ROPN1L: variants seen among roughly 807,000 people sequenced by gnomAD.
ROPN1L encodes ropporin-1-like protein.
In ROPN1L, 23 loss-of-function variants were observed where a neutral mutation model predicts 22.7. That is an observed-to-expected ratio of 1.01 (90% confidence interval 0.73 to 1.43). The LOEUF (loss-of-function observed/expected upper bound fraction) is 1.43. Ranked by LOEUF, ROPN1L falls within the 40% of genes most tolerant of loss-of-function variation. The pLI is 0.00. For missense variants in ROPN1L, 271 were observed against 291.5 expected (o/e 0.93, Z 0.51); for synonymous variants, 116 against 117.8 (o/e 0.98, Z 0.10).
downstream of ROPN1L, chr5:10,472,141 G>C (rs149699268): frequency 1.7e-4 from 26 of 152,344 alleles, no homozygotes; most frequent in African/African-American, 6.0e-4. Flanking sequence ...TGGGAGGAAG[G>C]CTGCCTGTGT....
At chr5:10,466,271 T>G (rs1735152904), downstream of ROPN1L, among the ~76,000 whole-genome samples, 1 of 152,262 alleles carries the variant, frequency 6.6e-6, no homozygotes, top group South Asian at 2.1e-4. Context: ...TGGGGACAGC[T>G]TGCTAAGTGT....
intron 3 of ROPN1L, among the ~76,000 whole-genome samples, chr5:10,453,858 T>C (rs1200442451): frequency 6.6e-6 from 1 of 152,174 alleles, no homozygotes; most frequent in Non-Finnish European, 1.5e-5. Flanking sequence ...CTGTTCTAAG[T>C]GCTGCAGGTT....
At chr5:10,442,412 A>G in intron 1 of ROPN1L, 114 bp downstream of exon 1, 1 of 1,358,952 alleles carries the variant, frequency 7.4e-7, no homozygotes, top group Non-Finnish European at 1.0e-6. Context: ...CCTTAAGAGT[A>G]TCAGGCAAAA....
chr5:10,477,460 GC>G, the ROPN1L span, among the ~76,000 whole-genome samples: 2 of 152,202 alleles, frequency 1.3e-5, no homozygotes, highest in African/African-American at 2.4e-5. Flanking sequence ...CACGCAGCCA[GC>G]CAGGAACTGA....
At chr5:10,482,222 C>T in the ROPN1L span, 23 of 145,292 alleles carry the variant, frequency 1.6e-4, no homozygotes, top group East Asian at 2.2e-3. Flanking sequence ...GACGAGACTC[C>T]GTCAAAAAAA....
chr5:10,443,478 C>T (rs1221315509), intron 1 of ROPN1L, among the ~76,000 whole-genome samples: 1 of 151,854 alleles, frequency 6.6e-6, no homozygotes, highest in African/African-American at 2.4e-5. Flanking sequence ...AAAAATTAGC[C>T]GGGCGCGGTG....
chr5:10,464,985 C>A lies in ROPN1L; in HGVS notation c.*38C>A. On this transcript the variant is annotated 3_prime_UTR_variant, in exon 5 of 5. Transcript: ENST00000274134. Reference sequence around the variant, plus strand: ...TACATTTTAATGTCAAAATAGTGCTCTTTAAAATTCTGGCACCAAATACAA... The same window carrying A: ...TACATTTTAATGTCAAAATAGTGCTATTTAAAATTCTGGCACCAAATACAA... 8.0e-7 allele frequency: 1 copy of A among 1,256,790 alleles called. No individual in the cohort carries two copies. The highest frequency in any genetic ancestry group is 1.4e-5 in the South Asian group (1 of 73,248). 77.9% of individuals were successfully genotyped at this position (1,256,790 alleles called of 1,614,324 possible).
At chr5:10,471,297 C>G (rs1034995960) in intron 4 of ROPN1L, among the ~76,000 whole-genome samples, 4 of 152,018 alleles carry the variant, frequency 2.6e-5, no homozygotes, top group African/African-American at 9.7e-5. Context: ...GCCACCACTG[C>G]TGGCTAATTT....
intron 1 of ROPN1L, among the ~76,000 whole-genome samples, chr5:10,446,455 T>C (rs1741066269): frequency 6.6e-6 from 1 of 152,110 alleles, no homozygotes; most frequent in South Asian, 2.1e-4. Flanking sequence ...GCTCAGGAGT[T>C]TGAGACCACC....
intron 1 of ROPN1L, among the ~76,000 whole-genome samples, chr5:10,445,128 G>A (rs1240445325): frequency 4.0e-5 from 6 of 151,810 alleles, no homozygotes; most frequent in East Asian, 2.0e-4. Context: ...GTGCCACCAC[G>A]CCCAGCTAAT....
chr5:10,450,005 C>G lies in ROPN1L; in HGVS notation c.309C>G (p.Asn103Lys), dbSNP rs35573613. Residue 103 changes from asparagine (N) to lysine (K), a missense_variant, in exon 3 of 5, where the codon AAC becomes AAG. Physicochemically the swap from Asn to Lys is moderately conservative, Grantham distance 94. Transcript: ENST00000274134. The stretch of plus-strand genomic sequence containing the variant: ...CAGATCTTGAGCAGAAGTGGAAGAA[C>G]TTGTGCCTGCCGAAGGAAAAATTCA... ...ELTDLEQKWK[N>K]LCLPKEKFKA... 1 of 1,613,828 alleles carries G rather than the reference C, an allele frequency of 6.2e-7. No individual in the cohort carries two copies. Among genetic ancestry groups the G allele is most frequent in the Admixed American group, 1.7e-5 (1 of 59,968 alleles).
At chr5:10,446,648 G>A (rs1397076431) in intron 1 of ROPN1L, among the ~76,000 whole-genome samples, 5 of 100,726 alleles carry the variant, frequency 5.0e-5, no homozygotes, top group African/African-American at 9.9e-5. Context: ...GCCACAGAAC[G>A]AGACTCTATC....
intron 1 of ROPN1L, among the ~76,000 whole-genome samples, chr5:10,442,716 C>G (rs533045436): frequency 6.6e-6 from 1 of 152,338 alleles, no homozygotes; most frequent in African/African-American, 2.4e-5. Flanking sequence ...GCAGAGAGTC[C>G]TCTCAGAGCT....
chr5:10,479,673 C>T, the ROPN1L span, among the ~76,000 whole-genome samples: 1 of 152,128 alleles, frequency 6.6e-6, no homozygotes, highest in Non-Finnish European at 1.5e-5. Flanking sequence ...AGGCCTCTTG[C>T]CTGAGCTCCT....
chr5:10,471,326 T>C (rs6890995), intron 4 of ROPN1L, among the ~76,000 whole-genome samples: 5,262 of 151,990 alleles, frequency 0.035, 295 homozygotes, highest in African/African-American at 0.12. Context: ...TTTTTTTTTT[T>C]TAGTAGACAC....
At chr5:10,454,820 C>T (rs1194716671) in intron 3 of ROPN1L, among the ~76,000 whole-genome samples, 3 of 152,170 alleles carry the variant, frequency 2.0e-5, no homozygotes, top group Non-Finnish European at 4.4e-5. Context: ...CCCAACAGCC[C>T]TTTGAGGAAG....
chr5:10,476,459 G>C (rs1271859126), downstream of ROPN1L, among the ~76,000 whole-genome samples: 1 of 152,250 alleles, frequency 6.6e-6, no homozygotes, highest in African/African-American at 2.4e-5. Context: ...AACAGTCCTT[G>C]TGCATCTGCT....
rs199896029 is a variant in ROPN1L at position 10,450,161 on chromosome 5, C to T, written c.417+48C>T. 8 of 1,430,544 alleles carry T rather than the reference C, an allele frequency of 5.6e-6. No individual in the cohort carries two copies. The East Asian group carries it at 2.1e-4, about 37-fold the overall frequency. 88.6% of individuals were successfully genotyped at this position (1,430,544 alleles called of 1,614,324 possible). Reference sequence around the variant, plus strand: ...TTAATAATTCTGTGTCATCATGGTCCCAGCTTAAAAATAATTTAGGTTTCA... The same window carrying T: ...TTAATAATTCTGTGTCATCATGGTCTCAGCTTAAAAATAATTTAGGTTTCA... On this transcript the variant is annotated intron_variant, in intron 3 of 4. Coordinates refer to ENST00000274134, the MANE Select transcript of ROPN1L (RefSeq NM_031916.5).
At chr5:10,455,942 G>C (rs1448972008) in intron 3 of ROPN1L, among the ~76,000 whole-genome samples, 1 of 151,032 alleles carries the variant, frequency 6.6e-6, no homozygotes, top group Non-Finnish European at 1.5e-5. Flanking sequence ...GACCTCCTTT[G>C]TTCTGATTCT....
Sources: allele counts gnomAD v4.1 joint callset (sites outside exome capture counted in the v4.1 genomes callset), GRCh38; gene constraint gnomAD v4.1.1; transcripts MANE v1.5; gene names NCBI Gene and HGNC (gene_info 2026-07-23, HGNC 2026-07-21).